TAS2R1: variants seen among roughly 807,000 people sequenced by gnomAD.
The protein encoded by TAS2R1 is taste receptor type 2 member 1.
For missense variants in TAS2R1, 370 were observed against 353.4 expected (o/e 1.05, Z -0.38); for synonymous variants, 141 against 134.2 (o/e 1.05, Z -0.35).
At chr5:9,743,031 A>G in the TAS2R1 span, among the ~76,000 whole-genome samples, 5 of 151,962 alleles carry the variant, frequency 3.3e-5, no homozygotes, top group African/African-American at 1.2e-4. Context: ...AGGAGCACCA[A>G]CCTGAATTTG....
At chr5:9,841,766 A>G in the TAS2R1 span, among the ~76,000 whole-genome samples, 2 of 152,182 alleles carry the variant, frequency 1.3e-5, no homozygotes, top group African/African-American at 2.4e-5. Context: ...GGAATAATGT[A>G]ATGTCTCCCT....
the TAS2R1 span, among the ~76,000 whole-genome samples, chr5:9,835,799 T>C: frequency 3.3e-5 from 5 of 152,226 alleles, no homozygotes; most frequent in Non-Finnish European, 2.9e-5. Flanking sequence ...CAACTCAGTG[T>C]CCTTGTTATA....
At chr5:9,725,675 G>A in the TAS2R1 span, among the ~76,000 whole-genome samples, 2 of 152,064 alleles carry the variant, frequency 1.3e-5, no homozygotes, top group African/African-American at 2.4e-5. Context: ...GCTCCACGGC[G>A]CCCAGCCCCA....
the TAS2R1 span, among the ~76,000 whole-genome samples, chr5:9,788,364 C>T: frequency 6.6e-6 from 1 of 152,178 alleles, no homozygotes; most frequent in Admixed American, 6.5e-5. Context: ...CCAAGTCAAG[C>T]TGGGGCTGCA....
the TAS2R1 span, among the ~76,000 whole-genome samples, chr5:9,825,788 A>C: frequency 6.6e-6 from 1 of 152,244 alleles, no homozygotes; most frequent in East Asian, 1.9e-4. Flanking sequence ...AATTGTTATA[A>C]GTTTAGCCAA....
chr5:9,805,973 G>A, the TAS2R1 span, among the ~76,000 whole-genome samples: 2 of 152,044 alleles, frequency 1.3e-5, no homozygotes, highest in African/African-American at 2.4e-5. Context: ...GTTTGCTGAC[G>A]ACATGATTCT....
chr5:9,766,545 T>C, the TAS2R1 span, among the ~76,000 whole-genome samples: 2 of 152,344 alleles, frequency 1.3e-5, no homozygotes, highest in South Asian at 2.1e-4. Context: ...AGAGGTCACC[T>C]GGGTTGGATG....
At chr5:9,808,796 C>G in the TAS2R1 span, among the ~76,000 whole-genome samples, 1 of 152,156 alleles carries the variant, frequency 6.6e-6, no homozygotes, top group African/African-American at 2.4e-5. Flanking sequence ...GACCTAGTTC[C>G]TCCTTGGTCT....
At chr5:9,776,331 T>A in the TAS2R1 span, among the ~76,000 whole-genome samples, 2 of 152,150 alleles carry the variant, frequency 1.3e-5, no homozygotes, top group African/African-American at 4.8e-5. Context: ...AGGGGAGGGA[T>A]GGTGTCAGCA....
chr5:9,763,800 G>A, the TAS2R1 span, among the ~76,000 whole-genome samples: 1 of 152,160 alleles, frequency 6.6e-6, no homozygotes, highest in Non-Finnish European at 1.5e-5. Context: ...ACTCTGCCAG[G>A]AACAAAGAAG....
chr5:9,746,945 A>T, the TAS2R1 span, among the ~76,000 whole-genome samples: 2 of 152,188 alleles, frequency 1.3e-5, no homozygotes, highest in African/African-American at 2.4e-5. Context: ...AATAAAATTT[A>T]AAAAGAAAAC....
intron 1 of TAS2R1, among the ~76,000 whole-genome samples, chr5:9,677,392 G>A (rs1202764046): frequency 6.6e-6 from 1 of 151,378 alleles, no homozygotes; most frequent in Non-Finnish European, 1.5e-5. Context: ...ACCTGTACTT[G>A]TACCCTTGAA....
At chr5:9,847,301 G>A in the TAS2R1 span, among the ~76,000 whole-genome samples, 1 of 152,120 alleles carries the variant, frequency 6.6e-6, no homozygotes, top group African/African-American at 2.4e-5. Context: ...TGGTAAAGGG[G>A]TCTATTTTAG....
intron 2 of TAS2R1, among the ~76,000 whole-genome samples, chr5:9,654,189 A>C (rs17331898): frequency 0.13 from 19,989 of 152,248 alleles, 1,453 homozygotes; most frequent in South Asian, 0.19. Flanking sequence ...AAAAAGACTT[A>C]TAAACTCTAG....
intron 1 of TAS2R1, among the ~76,000 whole-genome samples, chr5:9,669,305 T>C (rs1312428196): frequency 6.6e-6 from 1 of 152,102 alleles, no homozygotes; most frequent in Non-Finnish European, 1.5e-5. Context: ...AACCATACGA[T>C]AATAGTGGGA....
At chr5:9,795,740 T>C in the TAS2R1 span, among the ~76,000 whole-genome samples, 1 of 152,240 alleles carries the variant, frequency 6.6e-6, no homozygotes, top group African/African-American at 2.4e-5. Flanking sequence ...ATCTAAGCTC[T>C]AATTCAGGGT....
chr5:9,689,909 A>G (rs1741200772), intron 1 of TAS2R1, among the ~76,000 whole-genome samples: 1 of 152,196 alleles, frequency 6.6e-6, no homozygotes, highest in African/African-American at 2.4e-5. Context: ...TACTGCACGA[A>G]TGAGCTGGGA....
the TAS2R1 span, among the ~76,000 whole-genome samples, chr5:9,722,384 T>C: frequency 4.0e-4 from 61 of 152,258 alleles, no homozygotes; most frequent in South Asian, 6.2e-4. Context: ...AATAGATAAC[T>C]GATAAATCTA....
chr5:9,801,694 G>T, the TAS2R1 span, among the ~76,000 whole-genome samples: 50 of 152,300 alleles, frequency 3.3e-4, no homozygotes, highest in African/African-American at 1.1e-3. Context: ...GGGCACAGTG[G>T]GAAGTGAGAC....
Sources: gnomAD v4.1 joint callset for allele counts (sites outside exome capture counted in the v4.1 genomes callset) on GRCh38, gnomAD v4.1.1 for gene constraint, MANE v1.5 for transcripts, NCBI Gene and HGNC (gene_info 2026-07-23, HGNC 2026-07-21) for gene names.